Variants in COX4I2 observed in about 807,000 individuals in gnomAD.
COX4I2 encodes the protein cytochrome c oxidase subunit 4 isoform 2, mitochondrial.
Under a neutral mutation model 20.8 loss-of-function variants are expected in COX4I2, and 15 were observed. The observed-to-expected ratio is 0.72, with a 90% CI of 0.48 to 1.11. COX4I2 has a LOEUF of 1.11. Ranked by LOEUF, COX4I2 falls within the 50% of genes most tolerant of loss-of-function variation. The probability of loss-of-function intolerance (pLI) is 0.00; values close to 1 mark genes in which losing one functional copy is unlikely to be tolerated. For synonymous variants in COX4I2, 80 were observed against 78.1 expected, an observed-to-expected ratio of 1.02 and a Z score of -0.13; for missense variants, 224 against 223.0, an observed-to-expected ratio of 1.00 and a Z score of -0.03.
At chr20:31,638,558 G>T (rs2060449291) in intron 1 of COX4I2, among the ~76,000 whole-genome samples, 1 of 151,900 alleles carries the variant, frequency 6.6e-6, no homozygotes, top group Non-Finnish European at 1.5e-5. Flanking sequence ...GGGCCAGACC[G>T]TCTGTCTGTT....
At chr20:31,641,738 T>C (rs2060469254) in intron 3 of COX4I2, among the ~76,000 whole-genome samples, 1 of 152,134 alleles carries the variant, frequency 6.6e-6, no homozygotes. Flanking sequence ...AGGGTCTCTG[T>C]CACCCAGGCT....
chr20:31,639,558 C>CTTTT (rs770616004), intron 2 of COX4I2, among the ~76,000 whole-genome samples: 1 of 133,134 alleles, frequency 7.5e-6, no homozygotes, highest in African/African-American at 2.9e-5. Flanking sequence ...TATAAACCTC[C>CTTTT]TTTTTTTTTT....
In COX4I2 at chr20:31,639,278, G is replaced by A. The variant is rs113331521; in HGVS notation, c.82+179G>A. ...AGTTTCTCCAGGAAATGGAGTGCGCGGGGTGAGCAGACAGTGGTCATCTCC... is the reference window on the plus strand; with the variant it reads ...AGTTTCTCCAGGAAATGGAGTGCGCAGGGTGAGCAGACAGTGGTCATCTCC... On this transcript the variant is annotated intron_variant, in intron 2 of 4. Transcript: ENST00000376075. The A allele has an allele frequency of 4.0e-4, 394 of 985,304 alleles. 4 individuals are homozygous for A. In the African/African-American group the frequency reaches 6.3e-3, roughly 16 times the overall value. 61.0% of individuals were successfully genotyped at this position (985,304 alleles called of 1,614,324 possible).
At position 31,639,919 on chromosome 20, in the gene COX4I2, C is replaced by G. The variant is rs1341764889; in HGVS notation, c.83-14C>G. ...AGGGCAGCCTGGACTCAGCTCCCTCCATTGTGTCTGCAGCCCGTGGTGGGG... is the reference window on the plus strand; with the variant it reads ...AGGGCAGCCTGGACTCAGCTCCCTCGATTGTGTCTGCAGCCCGTGGTGGGG... On this transcript the variant is annotated splice_polypyrimidine_tract_variant and intron_variant, in intron 2 of 4. Coordinates refer to ENST00000376075, the MANE Select transcript of COX4I2 (RefSeq NM_032609.3). 2 of 1,613,530 alleles carry G rather than the reference C, an allele frequency of 1.2e-6. No homozygotes were observed. The highest frequency in any genetic ancestry group is 1.7e-6 in the Non-Finnish European group (2 of 1,179,700).
intron 4 of COX4I2, among the ~76,000 whole-genome samples, chr20:31,644,092 T>G (rs1221330572): frequency 6.6e-6 from 1 of 152,238 alleles, no homozygotes; most frequent in African/African-American, 2.4e-5. Context: ...ATTACAGGCA[T>G]GAGCCACTGT....
At chr20:31,639,143 G>T in intron 2 of COX4I2, 44 bp downstream of exon 2, 1 of 1,572,664 alleles carries the variant, frequency 6.4e-7, no homozygotes, top group South Asian at 1.2e-5. Flanking sequence ...CCAGAGATAG[G>T]GGCAGGGGTC....
chr20:31,644,053 C>T (rs548560164), intron 4 of COX4I2, among the ~76,000 whole-genome samples: 11 of 152,258 alleles, frequency 7.2e-5, no homozygotes, highest in Admixed American at 6.5e-4. Flanking sequence ...TCAAGTGATC[C>T]GCCTGCCTCG....
intron 1 of COX4I2, among the ~76,000 whole-genome samples, chr20:31,638,531 TA>T (rs1246542746): frequency 2.0e-5 from 3 of 151,024 alleles, no homozygotes; most frequent in Admixed American, 6.6e-5. Context: ...GGCAGCCAAT[TA>T]GGGGGGAAGG....
intron 4 of COX4I2, among the ~76,000 whole-genome samples, chr20:31,644,451 G>A (rs2060484628): frequency 6.6e-6 from 1 of 152,148 alleles, no homozygotes; most frequent in East Asian, 1.9e-4. Context: ...TCAAATCAGT[G>A]ATCTTATTAC....
At chr20:31,640,198 C>A in intron 3 of COX4I2, 101 bp downstream of exon 3, 1 of 1,280,574 alleles carries the variant, frequency 7.8e-7, no homozygotes, top group Non-Finnish European at 1.1e-6. Flanking sequence ...GCCCCCAAGA[C>A]AGCCAGAAAC....
At chr20:31,641,568 T>G (rs982471220) in intron 3 of COX4I2, among the ~76,000 whole-genome samples, 3 of 151,942 alleles carry the variant, frequency 2.0e-5, no homozygotes, top group African/African-American at 4.8e-5. Context: ...AGCTAGAGAG[T>G]GGTGGAGGCA....
At chr20:31,643,844 G>A (rs1201504201) in intron 4 of COX4I2, among the ~76,000 whole-genome samples, 1 of 152,208 alleles carries the variant, frequency 6.6e-6, no homozygotes, top group Non-Finnish European at 1.5e-5. Context: ...TGTTGTAACT[G>A]ATTGTTGTGT....
chr20:31,639,191 C>T, intron 2 of COX4I2, 92 bp downstream of exon 2: 1 of 1,544,508 alleles, frequency 6.5e-7, no homozygotes, highest in Non-Finnish European at 8.7e-7. Flanking sequence ...TCCATGCCAC[C>T]CTGGGCCTGT....
Position 31,640,789 on chromosome 20 carries a change from C to G in COX4I2, c.247+692C>G, listed in dbSNP as rs544486424. Among the ~76,000 whole-genome samples, 10 of 152,262 alleles carry G rather than the reference C, an allele frequency of 6.6e-5. No homozygotes were observed. In the East Asian group the frequency reaches 1.9e-3, roughly 29 times the overall value. ...AAGGGATTCCTAGTGGGGAAAGGTT[C>G]ATGCTTCTCACATTCATTCATTCAG... On this transcript the variant is annotated intron_variant, in intron 3 of 4. Transcript: ENST00000376075.
At chr20:31,639,212 C>T in intron 2 of COX4I2, 113 bp downstream of exon 2, 2 of 1,538,162 alleles carry the variant, frequency 1.3e-6, no homozygotes, top group Non-Finnish European at 1.7e-6. Context: ...TCCTACCACA[C>T]TTCCCATGTT....
rs1042373067 is a variant in COX4I2, at chr20:31,644,484, G to A, written c.380-284G>A. Among the ~76,000 whole-genome samples, 5 of 152,172 alleles carry A rather than the reference G, an allele frequency of 3.3e-5. No individual in the cohort carries two copies. In the East Asian group the frequency reaches 9.6e-4, roughly 29 times the overall value. On this transcript the variant is annotated intron_variant, in intron 4 of 4. Transcript: ENST00000376075. Reference sequence around the variant, plus strand: ...TACCACAGACCACAGAGGTAGGTGAGGTGACTGAGTTGTGAAGGACCTTGG... The same window carrying A: ...TACCACAGACCACAGAGGTAGGTGAAGTGACTGAGTTGTGAAGGACCTTGG...
chr20:31,638,022 G>C (rs917998354), intron 1 of COX4I2, 60 bp downstream of exon 1: 1 of 152,182 alleles, frequency 6.6e-6, no homozygotes, highest in Non-Finnish European at 1.5e-5. Flanking sequence ...GGCGCGGCTC[G>C]GTCTCCTGCC....
At chr20:31,641,669 G>A (rs554065334) in intron 3 of COX4I2, among the ~76,000 whole-genome samples, 1 of 152,240 alleles carries the variant, frequency 6.6e-6, no homozygotes, top group South Asian at 2.1e-4. Flanking sequence ...GGATGCTTGG[G>A]GAGTTTCAGT....
chr20:31,640,448 A>G (rs1462258425), intron 3 of COX4I2, among the ~76,000 whole-genome samples: 1 of 151,998 alleles, frequency 6.6e-6, no homozygotes, highest in Non-Finnish European at 1.5e-5. Flanking sequence ...ATCTTGGTGG[A>G]CCTCCCAGAG....
Sources: gnomAD v4.1 joint callset for allele counts (sites outside exome capture counted in the v4.1 genomes callset) on GRCh38, gnomAD v4.1.1 for gene constraint, MANE v1.5 for transcripts, NCBI Gene and HGNC (gene_info 2026-07-23, HGNC 2026-07-21) for gene names.